Variants in RBM4 observed in about 807,000 individuals in gnomAD.
The protein encoded by RBM4 is RNA-binding protein 4.
Under a neutral mutation model 29.5 loss-of-function variants are expected in RBM4, and 7 were observed. The observed-to-expected ratio is 0.24, with a 90% CI of 0.14 to 0.45. RBM4 has a LOEUF of 0.45. Ranked by LOEUF, RBM4 falls within the 20% of genes least tolerant of loss-of-function variation. The pLI is 1.00. For synonymous variants in RBM4, 220 were observed against 205.4 expected (o/e 1.07, Z -0.61); for missense variants, 387 against 502.3 (o/e 0.77, Z 2.19).
At chr11:66,658,258 C>A (rs1464729498) in intron 2 of RBM4, among the ~76,000 whole-genome samples, 2 of 144,678 alleles carry the variant, frequency 1.4e-5, no homozygotes, top group Admixed American at 7.0e-5. Context: ...GAACTCCCGA[C>A]CTCAGGTAAT....
chr11:66,654,570 T>C (rs1215017447), intron 2 of RBM4, among the ~76,000 whole-genome samples: 1 of 151,734 alleles, frequency 6.6e-6, no homozygotes, highest in Non-Finnish European at 1.5e-5. Flanking sequence ...GGTGCAAACA[T>C]GTCTGACTGC....
chr11:66,647,646 T>C (rs1938729449), downstream of RBM4, among the ~76,000 whole-genome samples: 1 of 152,212 alleles, frequency 6.6e-6, no homozygotes, highest in African/African-American at 2.4e-5. Flanking sequence ...CCCTTTGATC[T>C]GATGGGTAGG....
rs183965503 is a variant in RBM4, at chr11:66,659,683, T to C, written c.413-6173T>C. On this transcript the variant is annotated intron_variant, in intron 2 of 2. Coordinates refer to the RBM4 transcript ENST00000396053. Reference sequence around the variant, plus strand: ...CAGTCTTCCTTATCCCATTCTCTCTTTCAGCCAGATTGCTGGTAGTCATTC... The same window carrying C: ...CAGTCTTCCTTATCCCATTCTCTCTCTCAGCCAGATTGCTGGTAGTCATTC... Among the ~76,000 whole-genome samples, 127 of 152,258 alleles carry C rather than the reference T, an allele frequency of 8.3e-4. 1 individual carries two copies. Among genetic ancestry groups the C allele is most frequent in the African/African-American group, 3.0e-3 (125 of 41,544 alleles).
chr11:66,660,954 C>A (rs1198989488), intron 2 of RBM4, among the ~76,000 whole-genome samples: 4 of 152,176 alleles, frequency 2.6e-5, no homozygotes, highest in Admixed American at 6.5e-5. Context: ...TGCGCTCAGC[C>A]GTGCCCGGCC....
intron 3 of RBM4, among the ~76,000 whole-genome samples, chr11:66,645,246 GC>G (rs1938640826): frequency 6.6e-6 from 1 of 152,094 alleles, no homozygotes; most frequent in Non-Finnish European, 1.5e-5. Flanking sequence ...CCAGCTTTGG[GC>G]TCTAGGTGTT....
intron 2 of RBM4, among the ~76,000 whole-genome samples, chr11:66,660,851 T>G (rs993166158): frequency 6.6e-6 from 1 of 151,944 alleles, no homozygotes; most frequent in African/African-American, 2.4e-5. Flanking sequence ...GAGGCAGGGT[T>G]TCACCATGTT....
Position 66,641,860 on chromosome 11 carries a change from T to C in RBM4, c.413-1590T>C, listed in dbSNP as rs888761741. Among the ~76,000 whole-genome samples the C allele has an allele frequency of 2.6e-5, 4 of 152,318 alleles. No homozygotes were observed. In the East Asian group the frequency reaches 7.7e-4, roughly 29 times the overall value. On this transcript the variant is annotated intron_variant, in intron 2 of 3. Transcript: ENST00000310092. ...GGTATCTTCTCTATTGCTTGCCCAC[T>C]TAAAATCTCTTTTAGATATTTTTTA...
downstream of RBM4, among the ~76,000 whole-genome samples, chr11:66,648,056 A>G (rs997202139): frequency 1.3e-5 from 2 of 152,034 alleles, no homozygotes; most frequent in African/African-American, 4.8e-5. Flanking sequence ...AATACAAAAA[A>G]TTAGCTGGGT....
At chr11:66,667,133 C>G (rs1939266687) in exon 3 of RBM4, 1 of 152,186 alleles carries the variant, frequency 6.6e-6, no homozygotes, top group Non-Finnish European at 1.5e-5. Context: ...TAGTAACTCA[C>G]TTTAACCTTG....
At chr11:66,641,617 A>G (rs1192932285) in intron 2 of RBM4, among the ~76,000 whole-genome samples, 2 of 152,188 alleles carry the variant, frequency 1.3e-5, no homozygotes, top group African/African-American at 2.4e-5. Context: ...AGGAGAGGAC[A>G]GTGTGGTCTT....
At chr11:66,666,910 AT>A (rs574932627) in exon 3 of RBM4, 17,328 of 143,096 alleles carry the variant, frequency 0.12, 1,174 homozygotes, top group Non-Finnish European at 0.17. Context: ...TTGCTTTTTA[AT>A]TTTTTTTTTT....
chr11:66,652,850 C>G (rs887531271), intron 2 of RBM4, among the ~76,000 whole-genome samples: 2 of 152,184 alleles, frequency 1.3e-5, no homozygotes, highest in East Asian at 3.8e-4. Flanking sequence ...AAACATACAA[C>G]CCCACCCGCA....
rs1024062991 is a variant in RBM4 at position 66,643,890 on chromosome 11, ACAGCTGCTGCTGCAGCAG to A, written c.858_875del (p.Ala290_Ala295del). ...GTTGCCGACCTCAGGAGCTGCTGCC[ACAGCTGCTGCTGCAGCAG>A]CAGCCGCTGCTGCTGTTACTGCAGC... On this transcript the variant is annotated inframe_deletion, in exon 3 of 4. Transcript: ENST00000310092. The surrounding 1 kb of genome is among the most constrained non-coding windows in gnomAD (Gnocchi z 6.1). 17 of 1,613,290 alleles carry A rather than the reference ACAGCTGCTGCTGCAGCAG, an allele frequency of 1.1e-5. No homozygotes were observed. Among genetic ancestry groups the A allele is most frequent in the Non-Finnish European group, 1.2e-5 (14 of 1,179,734 alleles).
downstream of RBM4, chr11:66,649,689 A>T (rs1204850064): frequency 1.4e-6 from 1 of 697,484 alleles, no homozygotes; most frequent in Non-Finnish European, 2.6e-6. Context: ...TTATGCTGCC[A>T]CTCCTTAGGA....
intron 3 of RBM4, chr11:66,644,364 A>G (rs545454052): frequency 2.5e-4 from 142 of 576,988 alleles, no homozygotes; most frequent in Admixed American, 9.7e-4. Flanking sequence ...GTGGGAGTCA[A>G]TTTGATTCTA....
At chr11:66,663,247 T>C (rs770541773) in intron 2 of RBM4, among the ~76,000 whole-genome samples, 2 of 152,250 alleles carry the variant, frequency 1.3e-5, no homozygotes, top group Non-Finnish European at 2.9e-5. Context: ...TAATCATTAA[T>C]ATGTGATTTG....
chr11:66,666,076 C>G, exon 3 of RBM4: 1 of 999,858 alleles, frequency 1.0e-6, no homozygotes, highest in South Asian at 1.7e-5. Context: ...CAAGGAGCAG[C>G]CAGTCATTCA....
chr11:66,649,713 T>G, downstream of RBM4: 3 of 701,694 alleles, frequency 4.3e-6, no homozygotes, highest in Non-Finnish European at 7.8e-6. Flanking sequence ...ATAAAGTACT[T>G]TTTCTTGCTT....
downstream of RBM4, among the ~76,000 whole-genome samples, chr11:66,649,572 A>G (rs1590868815): frequency 6.6e-6 from 1 of 152,188 alleles, no homozygotes; most frequent in Non-Finnish European, 1.5e-5. Context: ...GATTGACTAT[A>G]ACTCACTGAT....
Sources: gnomAD v4.1 joint callset for allele counts (sites outside exome capture counted in the v4.1 genomes callset) on GRCh38, gnomAD v4.1.1 for gene constraint, Gnocchi (gnomAD v3.1) non-coding constraint, MANE v1.5 for transcripts, NCBI Gene and HGNC (gene_info 2026-07-23, HGNC 2026-07-21) for gene names.